Variants in PRKG1 observed in about 807,000 individuals in gnomAD.
PRKG1 encodes the protein cGMP-dependent protein kinase 1.
PRKG1 carries 35 observed loss-of-function variants against 88.1 expected under a neutral mutation model. The ratio of observed to expected loss-of-function variants is 0.40; its 90% CI spans 0.30 to 0.53. The LOEUF is 0.53. Among genes scored for constraint, PRKG1 ranks in the 20% least tolerant of loss-of-function variants. PRKG1 has a pLI of 0.59. For synonymous variants in PRKG1, 303 were observed against 292.5 expected (o/e 1.04, Z -0.37); for missense variants, 540 against 839.8 (o/e 0.64, Z 4.41).
rs117782723 is a variant in PRKG1, at chr10:51,098,197, G to A, written c.311+23296G>A. Among the ~76,000 whole-genome samples the A allele has an allele frequency of 1.2e-4, 18 of 152,270 alleles. No individual in the cohort carries two copies. The East Asian group carries it at 1.3e-3, about 11-fold the overall frequency. ...AGCATGGCCCTTGACATGCAGCTGC[G>A]TTTGAATTCAGGCTTTACCACTTTC... On this transcript the variant is annotated intron_variant, in intron 1 of 17. Transcript: ENST00000373980.
chr10:52,112,571 T>A (rs1054077772), intron 7 of PRKG1, among the ~76,000 whole-genome samples: 1 of 152,180 alleles, frequency 6.6e-6, no homozygotes, highest in African/African-American at 2.4e-5. Context: ...TCATCTCAGC[T>A]TTTCTGTTAA....
chr10:52,255,240 C>T (rs1000440198), intron 10 of PRKG1, among the ~76,000 whole-genome samples: 3 of 152,048 alleles, frequency 2.0e-5, no homozygotes, highest in East Asian at 3.9e-4. Flanking sequence ...CAAAGTATAA[C>T]TGTAAAATAA....
At chr10:52,245,776 T>TATTTATTA (rs1554821095) in intron 9 of PRKG1, among the ~76,000 whole-genome samples, 1 of 149,958 alleles carries the variant, frequency 6.7e-6, no homozygotes, top group African/African-American at 2.4e-5. Context: ...TTTATTTATT[T>TATTTATTA]ATTTATTTAT....
At chr10:51,492,121 A>G (rs1398148965) in intron 3 of PRKG1, among the ~76,000 whole-genome samples, 1 of 152,098 alleles carries the variant, frequency 6.6e-6, no homozygotes, top group East Asian at 1.9e-4. Flanking sequence ...GTACGTGCTT[A>G]AAAGGGAAAT....
intron 3 of PRKG1, among the ~76,000 whole-genome samples, chr10:51,668,552 A>G (rs1331290122): frequency 6.6e-6 from 1 of 152,176 alleles, no homozygotes; most frequent in Admixed American, 6.5e-5. Context: ...TTCCAACTGC[A>G]GAACAAGTAA....
chr10:51,913,974 G>C (rs1265097186), intron 5 of PRKG1, among the ~76,000 whole-genome samples: 1 of 152,106 alleles, frequency 6.6e-6, no homozygotes, highest in Non-Finnish European at 1.5e-5. Flanking sequence ...TCTATTCTGA[G>C]AGTCTAGGAT....
At chr10:51,376,147 C>T (rs190964816) in intron 2 of PRKG1, among the ~76,000 whole-genome samples, 1 of 152,300 alleles carries the variant, frequency 6.6e-6, no homozygotes, top group Admixed American at 6.5e-5. Flanking sequence ...GAGTTAAATC[C>T]AGCTGCAGCA....
chr10:52,123,334 G>A (rs548645177), intron 7 of PRKG1, among the ~76,000 whole-genome samples: 1 of 152,110 alleles, frequency 6.6e-6, no homozygotes, highest in African/African-American at 2.4e-5. Flanking sequence ...ACATGACCAG[G>A]AAGAATAAAC....
At chr10:52,269,006 A>G (rs1841647677) in intron 10 of PRKG1, among the ~76,000 whole-genome samples, 1 of 151,960 alleles carries the variant, frequency 6.6e-6, no homozygotes, top group African/African-American at 2.4e-5. Context: ...TCAGAATTCA[A>G]GTCCAGACCT....
intron 2 of PRKG1, among the ~76,000 whole-genome samples, chr10:51,408,921 G>C (rs1046888342): frequency 5.9e-5 from 9 of 152,174 alleles, no homozygotes; most frequent in African/African-American, 1.9e-4. Context: ...CACTCAGAGA[G>C]GTCCATCCAC....
chr10:51,948,524 CTGTGTG>C (rs376853403), intron 5 of PRKG1, among the ~76,000 whole-genome samples: 66 of 149,530 alleles, frequency 4.4e-4, no homozygotes, highest in South Asian at 1.9e-3. Flanking sequence ...GTGTGTGTCT[CTGTGTG>C]TGTGTGTGTG....
intron 5 of PRKG1, among the ~76,000 whole-genome samples, chr10:52,042,022 A>G (rs1323907637): frequency 1.3e-5 from 2 of 152,158 alleles, no homozygotes; most frequent in African/African-American, 2.4e-5. Context: ...CAAGATCTCT[A>G]CACTAAAAAC....
intron 1 of PRKG1, among the ~76,000 whole-genome samples, chr10:51,140,225 C>G (rs1267807633): frequency 6.6e-6 from 1 of 152,156 alleles, no homozygotes; most frequent in African/African-American, 2.4e-5. Context: ...TTTCTGTGAC[C>G]TTTAAAACAC....
At chr10:51,486,799 G>C (rs538008573) in intron 3 of PRKG1, among the ~76,000 whole-genome samples, 11 of 151,988 alleles carry the variant, frequency 7.2e-5, no homozygotes. Flanking sequence ...TCTCACAAAA[G>C]GATTTTACCT....
At chr10:51,392,588 C>T (rs76675303) in intron 2 of PRKG1, among the ~76,000 whole-genome samples, 7 of 151,778 alleles carry the variant, frequency 4.6e-5, no homozygotes, top group Non-Finnish European at 7.4e-5. Context: ...ACCTTTCCCC[C>T]CTTTCTATTC....
chr10:51,137,855 C>G, intron 1 of PRKG1, among the ~76,000 whole-genome samples: 1 of 152,118 alleles, frequency 6.6e-6, no homozygotes, highest in East Asian at 1.9e-4. Context: ...TAAGTGATAA[C>G]TGAAGCCTGA....
rs139061581 is a variant in PRKG1, at chr10:51,037,447, C to T, written c.266+45803C>T. Among the ~76,000 whole-genome samples the T allele has an allele frequency of 3.3e-5, 5 of 151,940 alleles. No individual in the cohort carries two copies. The South Asian group carries it at 1.0e-3, about 32-fold the overall frequency. On this transcript the variant is annotated intron_variant, in intron 1 of 17. Transcript: ENST00000401604. The stretch of plus-strand genomic sequence containing the variant: ...CCACTGCACTCAGCCTGGATGACAG[C>T]GTGAAATCCTTTCTAAAAAAACAAA...
At chr10:51,439,001 ATTT>A (rs142070764) in intron 2 of PRKG1, among the ~76,000 whole-genome samples, 169 of 127,782 alleles carry the variant, frequency 1.3e-3, no homozygotes, top group East Asian at 5.1e-3. Context: ...ACTAATTGGG[ATTT>A]TTTTTTTTAA....
intron 1 of PRKG1, among the ~76,000 whole-genome samples, chr10:51,018,216 T>A (rs543976920): frequency 2.6e-5 from 4 of 152,328 alleles, no homozygotes; most frequent in Middle Eastern, 3.4e-3. Context: ...ATTTCCCCTT[T>A]ATTGCTGAAG....
Sources: gnomAD v4.1 joint callset for allele counts (sites outside exome capture counted in the v4.1 genomes callset) on GRCh38, gnomAD v4.1.1 for gene constraint, MANE v1.5 for transcripts, NCBI Gene and HGNC (gene_info 2026-07-23, HGNC 2026-07-21) for gene names.